CALN1: variants seen among roughly 807,000 people sequenced by gnomAD.
CALN1 encodes calcium-binding protein 8.
In CALN1, 17 loss-of-function variants were observed where a neutral mutation model predicts 30.6. The ratio of observed to expected loss-of-function variants is 0.56; its 90% confidence interval spans 0.38 to 0.83. The LOEUF is 0.83. Among genes scored for constraint, CALN1 ranks in the 40% least tolerant of loss-of-function variants. The probability of loss-of-function intolerance (pLI) is 0.00; values close to 1 mark genes in which losing one functional copy is unlikely to be tolerated. For missense variants in CALN1, 291 were observed against 354.9 expected, an observed-to-expected ratio of 0.82 and a Z score of 1.45; for synonymous variants, 156 against 131.4, an observed-to-expected ratio of 1.19 and a Z score of -1.28.
chr7:72,325,341 C>T (rs1405829644), intron 2 of CALN1, among the ~76,000 whole-genome samples: 1 of 152,028 alleles, frequency 6.6e-6, no homozygotes, highest in Non-Finnish European at 1.5e-5. Flanking sequence ...TGGCTCATGC[C>T]TGTAATTCCA....
At chr7:71,883,002 G>A (rs991505696) in intron 5 of CALN1, among the ~76,000 whole-genome samples, 10 of 151,998 alleles carry the variant, frequency 6.6e-5, no homozygotes, top group South Asian at 2.1e-4. Flanking sequence ...GGCATGAGCC[G>A]CCACACCCAG....
At chr7:72,083,124 C>G (rs894024237) in intron 4 of CALN1, among the ~76,000 whole-genome samples, 1 of 152,040 alleles carries the variant, frequency 6.6e-6, no homozygotes, top group Non-Finnish European at 1.5e-5. Context: ...TCGCTTGAGC[C>G]TGGGAGGCGG....
intron 5 of CALN1, among the ~76,000 whole-genome samples, chr7:71,966,131 T>C (rs1562941916): frequency 2.6e-5 from 4 of 152,200 alleles, no homozygotes; most frequent in African/African-American, 7.2e-5. Flanking sequence ...TAACAAATAG[T>C]TCTGGTGCTC....
Position 72,023,633 on chromosome 7 carries a change from C to T in CALN1, c.501+24G>A, listed in dbSNP as rs769436870. 15 of 1,581,850 alleles carry T rather than the reference C, an allele frequency of 9.5e-6. No homozygotes were observed. In the Admixed American group the frequency reaches 2.0e-4, roughly 21 times the overall value. ...AGACACATTTACTGTCAAACTTAGT[C>T]TGAAAAAAAATATTCTTACTCACCT... On this transcript the variant is annotated intron_variant, in intron 5 of 6. Coordinates refer to ENST00000395275, the MANE Select transcript of CALN1 (RefSeq NM_031468.4).
At chr7:72,393,463 C>CA (rs1562943630) in intron 2 of CALN1, among the ~76,000 whole-genome samples, 1 of 152,042 alleles carries the variant, frequency 6.6e-6, no homozygotes, top group African/African-American at 2.4e-5. Context: ...GACTCCGTCT[C>CA]AAAAAACAAA....
chr7:72,214,859 G>T (rs578061128), intron 3 of CALN1, among the ~76,000 whole-genome samples: 1 of 151,588 alleles, frequency 6.6e-6, no homozygotes, highest in Non-Finnish European at 1.5e-5. Context: ...TGCATGCAAG[G>T]GATCTAGGTT....
chr7:72,480,474 T>C, the CALN1 span, among the ~76,000 whole-genome samples: 2 of 152,208 alleles, frequency 1.3e-5, no homozygotes, highest in Non-Finnish European at 2.9e-5. Flanking sequence ...TTTTTTCTTA[T>C]CATGTGTTTG....
At position 71,817,011 on chromosome 7, in the gene CALN1, T is replaced by A. The variant is rs952106231; in HGVS notation, c.502-6519A>T. Among the ~76,000 whole-genome samples, 3 of 152,144 alleles carry A rather than the reference T, an allele frequency of 2.0e-5. No individual in the cohort carries two copies. The South Asian group carries it at 6.2e-4, about 32-fold the overall frequency. Reference sequence around the variant, plus strand: ...AGTTTTGGAGATCTGGGTCATGTTTTAGTATTAGGGTATATATTTAGTATT... The same window carrying A: ...AGTTTTGGAGATCTGGGTCATGTTTAAGTATTAGGGTATATATTTAGTATT... On this transcript the variant is annotated intron_variant, in intron 5 of 6. Coordinates refer to ENST00000395275, the MANE Select transcript of CALN1 (RefSeq NM_031468.4).
intron 5 of CALN1, among the ~76,000 whole-genome samples, chr7:71,848,006 C>A (rs965980728): frequency 6.6e-6 from 1 of 152,054 alleles, no homozygotes; most frequent in Admixed American, 6.6e-5. Flanking sequence ...TTATAAATTA[C>A]CCAGTCTCAT....
intron 4 of CALN1, among the ~76,000 whole-genome samples, chr7:72,055,781 G>A (rs1045824760): frequency 2.0e-5 from 3 of 152,140 alleles, no homozygotes; most frequent in Admixed American, 6.5e-5. Flanking sequence ...GGGGGCTGAG[G>A]AGTGAGGATT....
At chr7:72,390,450 A>AAT (rs1562941277) in intron 2 of CALN1, among the ~76,000 whole-genome samples, 1 of 152,222 alleles carries the variant, frequency 6.6e-6, no homozygotes, top group East Asian at 1.9e-4. Flanking sequence ...AAATTAAAAA[A>AAT]ATAAATGAGA....
intron 2 of CALN1, among the ~76,000 whole-genome samples, chr7:72,329,939 G>A (rs1295422712): frequency 6.6e-6 from 1 of 151,982 alleles, no homozygotes; most frequent in Non-Finnish European, 1.5e-5. Context: ...GGGCAACAGA[G>A]CAAGACTCCG....
At chr7:72,027,918 G>A (rs1801181974) in intron 4 of CALN1, among the ~76,000 whole-genome samples, 2 of 151,724 alleles carry the variant, frequency 1.3e-5, no homozygotes, top group African/African-American at 4.8e-5. Flanking sequence ...AATTAGCCGG[G>A]CGTGGTGGCG....
intron 1 of CALN1, among the ~76,000 whole-genome samples, chr7:72,427,251 C>T (rs1807825828): frequency 6.6e-6 from 1 of 152,196 alleles, no homozygotes; most frequent in Admixed American, 6.5e-5. Flanking sequence ...GCTGGGATTA[C>T]AGGTGTGAGC....
At chr7:72,371,456 G>C (rs1289890256) in intron 2 of CALN1, among the ~76,000 whole-genome samples, 1 of 152,070 alleles carries the variant, frequency 6.6e-6, no homozygotes, top group Non-Finnish European at 1.5e-5. Context: ...CATGAGATCT[G>C]ATGGTTTTAT....
At chr7:72,024,028 C>A (rs986779894) in intron 4 of CALN1, among the ~76,000 whole-genome samples, 2 of 152,144 alleles carry the variant, frequency 1.3e-5, no homozygotes, top group African/African-American at 2.4e-5. Context: ...CCATCACTTC[C>A]CACTTAACAT....
intron 5 of CALN1, among the ~76,000 whole-genome samples, chr7:71,956,331 GTGATGAGTAGGATGAT>G (rs1330151133): frequency 3.3e-5 from 5 of 152,018 alleles, no homozygotes; most frequent in African/African-American, 1.2e-4. Context: ...GTTTCCTTTT[GTGATGAGTAGGATGAT>G]TGAGGGCACA....
intron 3 of CALN1, among the ~76,000 whole-genome samples, chr7:72,139,671 C>CCCTCTTCTAAGCTCCTCAGCCATGTCCAT (rs1399329297): frequency 1.3e-5 from 2 of 152,276 alleles, no homozygotes; most frequent in East Asian, 1.9e-4. Flanking sequence ...GCCATGTCCA[C>CCCTCTTCTAAGCTCCTCAGCCATGTCCAT]CCTCTTCTAA....
At chr7:72,350,366 A>G (rs1434144342) in intron 2 of CALN1, among the ~76,000 whole-genome samples, 1 of 152,204 alleles carries the variant, frequency 6.6e-6, no homozygotes, top group African/African-American at 2.4e-5. Flanking sequence ...AATAGTAAAG[A>G]TATGGAATGA....
Sources: gnomAD v4.1 joint callset for allele counts (sites outside exome capture counted in the v4.1 genomes callset) on GRCh38, gnomAD v4.1.1 for gene constraint, MANE v1.5 for transcripts, NCBI Gene and HGNC (gene_info 2026-07-23, HGNC 2026-07-21) for gene names.